The following RHEX variants were observed in gnomAD, a reference collection of about 807,000 sequenced individuals.
The protein encoded by RHEX is regulator of hemoglobinization and erythroid cell expansion, also known as regulator of hemoglobinization and erythroid cell expansion protein.
Under a neutral mutation model 20.1 loss-of-function variants are expected in RHEX, and 18 were observed. The ratio of observed to expected loss-of-function variants is 0.90; its 90% CI spans 0.62 to 1.33. RHEX has a LOEUF of 1.33. Among genes scored for constraint, RHEX ranks in the 40% most tolerant of loss-of-function variants. RHEX has a pLI of 0.00. For synonymous variants in RHEX, 87 were observed against 77.1 expected, an observed-to-expected ratio of 1.13 and a Z score of -0.67; for missense variants, 192 against 214.3, an observed-to-expected ratio of 0.90 and a Z score of 0.65.
At chr1:206,084,141 T>C (rs544695758) in intron 1 of RHEX, among the ~76,000 whole-genome samples, 1 of 152,268 alleles carries the variant, frequency 6.6e-6, no homozygotes, top group African/African-American at 2.4e-5. Context: ...AAACATCCTA[T>C]AGGAATGTTT....
At chr1:206,078,953 G>A (rs1571863669) in intron 1 of RHEX, among the ~76,000 whole-genome samples, 2 of 152,292 alleles carry the variant, frequency 1.3e-5, no homozygotes, top group East Asian at 3.9e-4. Context: ...ATTGCATAAA[G>A]CAAATGGCTT....
chr1:206,096,364 ATAC>A (rs2102328676), intron 1 of RHEX, among the ~76,000 whole-genome samples: 1 of 152,370 alleles, frequency 6.6e-6, no homozygotes. Context: ...TAGACAATCG[ATAC>A]TAAAGCACCA....
At chr1:206,097,904 A>G (rs1283962366) in intron 2 of RHEX, 65 bp downstream of exon 2, 23 of 1,309,476 alleles carry the variant, frequency 1.8e-5, no homozygotes, top group Non-Finnish European at 2.3e-5. Context: ...GCTGTCTTCC[A>G]AGCACACATA....
At chr1:206,101,233 T>C in intron 5 of RHEX, 36 bp downstream of exon 5, 1 of 1,532,002 alleles carries the variant, frequency 6.5e-7, no homozygotes, top group Non-Finnish European at 8.9e-7. Flanking sequence ...GACGAACATA[T>C]GCAGTCTGGG....
chr1:206,089,072 A>T (rs911045442), intron 1 of RHEX, among the ~76,000 whole-genome samples: 6 of 152,160 alleles, frequency 3.9e-5, no homozygotes, highest in African/African-American at 1.4e-4. Context: ...CTACATGATG[A>T]TTAGAGACAA....
chr1:206,083,528 T>C, intron 1 of RHEX: 5 of 985,428 alleles, frequency 5.1e-6, no homozygotes, highest in Non-Finnish European at 4.8e-6. Flanking sequence ...TTGAAACACT[T>C]GTGACTGACC....
chr1:206,053,580 AC>A (rs1662114638), intron 1 of RHEX, among the ~76,000 whole-genome samples: 1 of 152,178 alleles, frequency 6.6e-6, no homozygotes, highest in Non-Finnish European at 1.5e-5. Context: ...AGCCCACCCC[AC>A]TAGGAACTAT....
At chr1:206,091,181 C>A (rs1662943676) in intron 1 of RHEX, among the ~76,000 whole-genome samples, 1 of 152,156 alleles carries the variant, frequency 6.6e-6, no homozygotes, top group East Asian at 1.9e-4. Context: ...ATAGTATCTA[C>A]CTCCTGGGGT....
intron 1 of RHEX, among the ~76,000 whole-genome samples, chr1:206,076,503 G>T (rs144907371): frequency 6.6e-6 from 1 of 152,210 alleles, no homozygotes; most frequent in Non-Finnish European, 1.5e-5. Flanking sequence ...TAAACCTTTT[G>T]TACCAGAGGC....
At chr1:206,063,630 G>A (rs1251985069) in intron 1 of RHEX, among the ~76,000 whole-genome samples, 2 of 152,276 alleles carry the variant, frequency 1.3e-5, no homozygotes, top group Non-Finnish European at 2.9e-5. Context: ...CTAACCGTGA[G>A]TCATCCGCCA....
At chr1:206,065,887 T>A (rs1298069603) in intron 1 of RHEX, among the ~76,000 whole-genome samples, 3 of 152,308 alleles carry the variant, frequency 2.0e-5, no homozygotes, top group African/African-American at 7.2e-5. Context: ...AACCCAATCA[T>A]CGGTTTTTCA....
chr1:206,054,363 T>A, intron 1 of RHEX, among the ~76,000 whole-genome samples: 1 of 152,336 alleles, frequency 6.6e-6, no homozygotes, highest in Admixed American at 6.5e-5. Context: ...TGAGTACTAT[T>A]AAAAAAACAG....
intron 1 of RHEX, among the ~76,000 whole-genome samples, chr1:206,070,799 C>T (rs1399393251): frequency 1.3e-5 from 2 of 152,198 alleles, no homozygotes; most frequent in Non-Finnish European, 2.9e-5. Context: ...CTCCCCACCA[C>T]TGGTCACCCC....
At chr1:206,099,465 C>T (rs1322838670) in intron 3 of RHEX, among the ~76,000 whole-genome samples, 190 bp from the exon 4 acceptor site, 6 of 151,992 alleles carry the variant, frequency 3.9e-5, no homozygotes, top group South Asian at 2.1e-4. Context: ...ATTACCGGCA[C>T]GCATCATCAT....
chr1:206,059,471 T>C (rs1662262839), intron 1 of RHEX, among the ~76,000 whole-genome samples: 1 of 151,964 alleles, frequency 6.6e-6, no homozygotes, highest in South Asian at 2.1e-4. Flanking sequence ...TCCAATGGGT[T>C]CCCCCCACCC....
intron 1 of RHEX, among the ~76,000 whole-genome samples, chr1:206,074,367 T>C (rs1488394551): frequency 1.3e-5 from 2 of 152,202 alleles, no homozygotes; most frequent in African/African-American, 4.8e-5. Context: ...TATCAAGAAA[T>C]ATCTGTAGAA....
intron 1 of RHEX, among the ~76,000 whole-genome samples, chr1:206,063,571 T>G (rs1016705984): frequency 1.3e-5 from 2 of 152,230 alleles, no homozygotes; most frequent in Non-Finnish European, 2.9e-5. Flanking sequence ...TTCCTATTTT[T>G]TTGGTGGAGA....
chr1:206,088,121 T>G (rs1571868424), intron 1 of RHEX, among the ~76,000 whole-genome samples: 1 of 152,108 alleles, frequency 6.6e-6, no homozygotes, highest in East Asian at 1.9e-4. Context: ...AATTTATTTT[T>G]TATTAACTAA....
intron 1 of RHEX, among the ~76,000 whole-genome samples, chr1:206,077,801 G>T (rs1430107173): frequency 6.6e-6 from 1 of 152,152 alleles, no homozygotes; most frequent in South Asian, 2.1e-4. Context: ...TAGTTGCTTA[G>T]TTACCCTGAA....
Sources: allele counts gnomAD v4.1 joint callset (sites outside exome capture counted in the v4.1 genomes callset), GRCh38; gene constraint gnomAD v4.1.1; transcripts MANE v1.5; gene names NCBI Gene and HGNC (gene_info 2026-07-23, HGNC 2026-07-21).